Variants in ASIC2 observed in about 807,000 individuals in gnomAD.
ASIC2 encodes acid sensing ion channel subunit 2.
In ASIC2, 25 loss-of-function variants were observed where a neutral mutation model predicts 57.3. The observed-to-expected ratio is 0.44, with a 90% CI of 0.32 to 0.61. ASIC2 has a LOEUF of 0.61. Ranked by LOEUF, ASIC2 falls within the 20% of genes least tolerant of loss-of-function variation. The pLI, the probability that ASIC2 is intolerant of heterozygous loss-of-function variation, is 0.06. For synonymous variants in ASIC2, 319 were observed against 307.5 expected (o/e 1.04, Z -0.39); for missense variants, 641 against 738.1 (o/e 0.87, Z 1.52).
rs150556278 is a variant in ASIC2, at chr17:33,357,573, C to T, written c.556-245506G>A. On this transcript the variant is annotated intron_variant, in intron 1 of 9. Coordinates refer to the ASIC2 transcript ENST00000359872. Reference sequence around the variant, plus strand: ...TGCCTTCTTTCTAGTCGGGTAAGGACGTGTTACCAATCTCTCTCCTTTGGA... The same window carrying T: ...TGCCTTCTTTCTAGTCGGGTAAGGATGTGTTACCAATCTCTCTCCTTTGGA... Among the ~76,000 whole-genome samples the T allele has an allele frequency of 1.1e-4, 17 of 152,202 alleles. 1 individual carries two copies. The highest frequency in any genetic ancestry group is 3.9e-4 in the African/African-American group (16 of 41,528).
At chr17:33,256,465 AT>A (rs1423913082) in intron 1 of ASIC2, among the ~76,000 whole-genome samples, 2 of 152,268 alleles carry the variant, frequency 1.3e-5, no homozygotes, top group East Asian at 3.9e-4. Context: ...TACACTCTGC[AT>A]TTTTTAAAAC....
chr17:33,031,533 G>T (rs986505422), intron 3 of ASIC2, among the ~76,000 whole-genome samples: 2 of 152,046 alleles, frequency 1.3e-5, no homozygotes, highest in African/African-American at 4.8e-5. Context: ...GTTCGATTTT[G>T]TTGAATGTTC....
chr17:33,074,506 G>A (rs142272607), intron 3 of ASIC2, among the ~76,000 whole-genome samples: 26 of 152,206 alleles, frequency 1.7e-4, no homozygotes, highest in African/African-American at 4.8e-4. Context: ...GGTTCCTCAC[G>A]GCATCTGCCC....
At position 33,795,880 on chromosome 17, in the gene ASIC2, A is replaced by G. The variant is rs548431059; in HGVS notation, c.555+360098T>C. 1.1e-4 allele frequency among the ~76,000 whole-genome samples: 16 copies of G among 152,256 alleles called. No individual in the cohort carries two copies. In the South Asian group the frequency reaches 3.1e-3, roughly 30 times the overall value. The stretch of plus-strand genomic sequence containing the variant: ...ACTTATCCAGGTAGCTGGAAGACCA[A>G]CTCTTCCCCTTGAAGTTAAACAACA... On this transcript the variant is annotated intron_variant, in intron 1 of 9. Coordinates refer to the ASIC2 transcript ENST00000359872.
chr17:33,045,024 G>C (rs2091947400), intron 3 of ASIC2, among the ~76,000 whole-genome samples: 2 of 152,138 alleles, frequency 1.3e-5, no homozygotes, highest in African/African-American at 4.8e-5. Flanking sequence ...TAAAGAGGTG[G>C]GGAAGCCTCA....
intron 1 of ASIC2, among the ~76,000 whole-genome samples, chr17:34,091,593 G>T (rs1910332900): frequency 6.6e-6 from 1 of 152,252 alleles, no homozygotes; most frequent in Non-Finnish European, 1.5e-5. Context: ...AGGGAAGGGA[G>T]ATGATGGATG....
intron 1 of ASIC2, among the ~76,000 whole-genome samples, chr17:33,442,521 A>G (rs530504493): frequency 6.6e-6 from 1 of 152,140 alleles, no homozygotes; most frequent in Non-Finnish European, 1.5e-5. Context: ...CTTTTTGATG[A>G]CATCATAAAT....
At chr17:33,698,505 C>T (rs1282590775) in intron 1 of ASIC2, among the ~76,000 whole-genome samples, 1 of 152,116 alleles carries the variant, frequency 6.6e-6, no homozygotes, top group African/African-American at 2.4e-5. Context: ...AGTTTCATCC[C>T]AGGCCACCCT....
intron 1 of ASIC2, among the ~76,000 whole-genome samples, chr17:33,764,548 CTG>C (rs35817236): frequency 0.32 from 48,926 of 151,894 alleles, 9,945 homozygotes; most frequent in Non-Finnish European, 0.47. Flanking sequence ...GATGAGGACT[CTG>C]TAGAGTCTCA....
intron 1 of ASIC2, among the ~76,000 whole-genome samples, chr17:33,335,700 C>G (rs1907486619): frequency 6.6e-6 from 1 of 152,202 alleles, no homozygotes; most frequent in Non-Finnish European, 1.5e-5. Flanking sequence ...CAGGTCCAAG[C>G]AGTGGTACCA....
At chr17:33,331,405 C>T (rs1201349655) in intron 1 of ASIC2, among the ~76,000 whole-genome samples, 1 of 152,218 alleles carries the variant, frequency 6.6e-6, no homozygotes, top group Non-Finnish European at 1.5e-5. Context: ...CTTAATTCTG[C>T]AGTCAGAATT....
At chr17:33,675,968 A>G (rs1168696881) in intron 1 of ASIC2, among the ~76,000 whole-genome samples, 1 of 152,244 alleles carries the variant, frequency 6.6e-6, no homozygotes, top group African/African-American at 2.4e-5. Context: ...AAGCAAGACT[A>G]TAGATGTCAT....
At chr17:34,000,982 G>A (rs1231694779) in intron 1 of ASIC2, 2 of 151,928 alleles carry the variant, frequency 1.3e-5, no homozygotes, top group African/African-American at 4.8e-5. Context: ...TTGTTTTTCT[G>A]ATTTTGTTTA....
Position 33,132,452 on chromosome 17 carries a change from T to G in ASIC2, c.709-20385A>C, listed in dbSNP as rs557005182. ...CACACATTCTAACATTCAAGCAGAG[T>G]GAGGTGGCTGGGGGCCAGTTGTTTT... On this transcript the variant is annotated intron_variant, in intron 1 of 9. Transcript: ENST00000225823. Among the ~76,000 whole-genome samples the G allele has an allele frequency of 4.0e-5, 6 of 151,672 alleles. No homozygotes were observed. In the South Asian group the frequency reaches 1.3e-3, roughly 32 times the overall value.
At chr17:33,672,345 C>A (rs1907663893) in intron 1 of ASIC2, among the ~76,000 whole-genome samples, 1 of 151,978 alleles carries the variant, frequency 6.6e-6, no homozygotes, top group African/African-American at 2.4e-5. Context: ...CCATACCTAC[C>A]TTTCCTACCA....
At chr17:33,280,798 G>A (rs1904913455) in intron 1 of ASIC2, among the ~76,000 whole-genome samples, 1 of 152,200 alleles carries the variant, frequency 6.6e-6, no homozygotes. Context: ...GTGCTGAGAA[G>A]CAGAATCAAA....
intron 1 of ASIC2, among the ~76,000 whole-genome samples, chr17:34,138,099 T>C (rs1276990530): frequency 1.3e-5 from 2 of 152,118 alleles, no homozygotes; most frequent in African/African-American, 4.8e-5. Flanking sequence ...GAGCAGAAGC[T>C]CTTCTTCATG....
chr17:33,525,388 A>G (rs1914858497), intron 1 of ASIC2, among the ~76,000 whole-genome samples: 1 of 152,158 alleles, frequency 6.6e-6, no homozygotes, highest in Admixed American at 6.5e-5. Flanking sequence ...CACCCCTTGG[A>G]AATATCTACA....
intron 1 of ASIC2, among the ~76,000 whole-genome samples, chr17:33,632,727 T>G (rs908509210): frequency 4.6e-5 from 7 of 152,198 alleles, no homozygotes; most frequent in African/African-American, 1.7e-4. Context: ...CCAGTGTACC[T>G]GGCCTGGTCC....
Sources: allele counts gnomAD v4.1 joint callset (sites outside exome capture counted in the v4.1 genomes callset), GRCh38; gene constraint gnomAD v4.1.1; transcripts MANE v1.5; gene names NCBI Gene and HGNC (gene_info 2026-07-23, HGNC 2026-07-21).